Variants in CDH12 observed in about 807,000 individuals in gnomAD.
CDH12 encodes the protein cadherin-12.
Under a neutral mutation model 74.1 loss-of-function variants are expected in CDH12, and 41 were observed. The observed-to-expected ratio is 0.55, with a 90% CI of 0.43 to 0.72. The LOEUF is 0.72. Among genes scored for constraint, CDH12 ranks in the 30% least tolerant of loss-of-function variants. The pLI is 0.00. For synonymous variants in CDH12, 399 were observed against 355.0 expected (o/e 1.12, Z -1.39); for missense variants, 945 against 977.2 (o/e 0.97, Z 0.44).
At chr5:22,427,316 C>G (rs1743982750) in intron 2 of CDH12, among the ~76,000 whole-genome samples, 1 of 152,054 alleles carries the variant, frequency 6.6e-6, no homozygotes, top group South Asian at 2.1e-4. Flanking sequence ...TACAGGCACG[C>G]ACCACCACGC....
At chr5:22,489,690 C>CTTTT (rs753962922) in intron 2 of CDH12, among the ~76,000 whole-genome samples, 6 of 120,646 alleles carry the variant, frequency 5.0e-5, no homozygotes, top group South Asian at 2.7e-4. Flanking sequence ...TGCAGTGTAA[C>CTTTT]TTTTTTTTTT....
Position 22,187,176 on chromosome 5 carries a change from C to T in CDH12, c.-187+25322G>A, listed in dbSNP as rs551654992. On this transcript the variant is annotated intron_variant, in intron 4 of 14. Coordinates refer to ENST00000382254, the MANE Select transcript of CDH12 (RefSeq NM_004061.5). ...CACTCACACGAGCACATATGAGGTC[C>T]CCTAGGAGTAATAGACCAGTCTCTG... Among the ~76,000 whole-genome samples, 89 of 152,214 alleles carry T rather than the reference C, an allele frequency of 5.8e-4. 1 individual carries two copies. The highest frequency in any genetic ancestry group is 3.1e-3 in the Admixed American group (48 of 15,282).
At chr5:22,553,029 T>G (rs1411496418) in intron 1 of CDH12, among the ~76,000 whole-genome samples, 1 of 152,196 alleles carries the variant, frequency 6.6e-6, no homozygotes, top group Non-Finnish European at 1.5e-5. Context: ...TACTTGTTTG[T>G]TTCCAATAAA....
At chr5:22,481,932 G>T (rs1746399910) in intron 2 of CDH12, among the ~76,000 whole-genome samples, 1 of 152,104 alleles carries the variant, frequency 6.6e-6, no homozygotes, top group African/African-American at 2.4e-5. Flanking sequence ...TGAAGGATAA[G>T]TTATTTGTAA....
intron 1 of CDH12, among the ~76,000 whole-genome samples, chr5:22,635,965 T>G (rs1738820937): frequency 6.6e-6 from 1 of 151,562 alleles, no homozygotes; most frequent in Admixed American, 6.6e-5. Context: ...TAAAAAGAAA[T>G]ATTATACAGT....
chr5:22,102,223 T>C (rs1370530793), intron 4 of CDH12, among the ~76,000 whole-genome samples: 1 of 152,214 alleles, frequency 6.6e-6, no homozygotes, highest in Non-Finnish European at 1.5e-5. Flanking sequence ...ACTGAGATAA[T>C]AAGACATTAT....
At chr5:21,860,490 A>G (rs917163242) in intron 6 of CDH12, among the ~76,000 whole-genome samples, 1 of 151,958 alleles carries the variant, frequency 6.6e-6, no homozygotes, top group Non-Finnish European at 1.5e-5. Flanking sequence ...GAAGGATGCA[A>G]ATTATTTTTA....
intron 6 of CDH12, among the ~76,000 whole-genome samples, chr5:21,932,444 A>G (rs985231380): frequency 6.6e-6 from 1 of 152,246 alleles, no homozygotes; most frequent in South Asian, 2.1e-4. Flanking sequence ...ATTAATCACT[A>G]CATTCTTTTG....
intron 8 of CDH12, among the ~76,000 whole-genome samples, chr5:21,838,649 T>C (rs1182084995): frequency 6.6e-6 from 1 of 152,174 alleles, no homozygotes; most frequent in Non-Finnish European, 1.5e-5. Context: ...CCCTTAGACC[T>C]GTAGATTCAA....
At chr5:21,822,267 A>G (rs1748414016) in intron 8 of CDH12, among the ~76,000 whole-genome samples, 1 of 147,000 alleles carries the variant, frequency 6.8e-6, no homozygotes, top group African/African-American at 2.5e-5. Flanking sequence ...TGTATAGTCT[A>G]TATGTATTAT....
rs1386026784 is a variant in CDH12 at position 22,035,706 on chromosome 5, T to TCACA, written c.231+42736_231+42739dup. Among the ~76,000 whole-genome samples, 155 of 117,038 alleles carry TCACA rather than the reference T, an allele frequency of 1.3e-3. 1 individual carries two copies. Among genetic ancestry groups the TCACA allele is most frequent in the African/African-American group, 5.4e-3 (152 of 28,064 alleles). 76.8% of individuals were successfully genotyped at this position (117,038 alleles called of 152,430 possible). A position where few individuals can be genotyped will look rare whatever the true frequency, so the allele number is the denominator to read the frequency against. On this transcript the variant is annotated intron_variant, in intron 5 of 14. Transcript: ENST00000382254. ...GGTTTACTTCTTCTTTTTTTACACTTCACACATACACACACACACACACAC... is the reference window on the plus strand; with the variant it reads ...GGTTTACTTCTTCTTTTTTTACACTTCACACACACATACACACACACACACACAC...
intron 1 of CDH12, among the ~76,000 whole-genome samples, chr5:22,770,525 A>T (rs1746750597): frequency 1.3e-5 from 2 of 152,176 alleles, no homozygotes; most frequent in African/African-American, 4.8e-5. Context: ...CAGCCTGCTA[A>T]TGCTGACATA....
chr5:22,355,525 T>A (rs201667669), intron 3 of CDH12, among the ~76,000 whole-genome samples: 456 of 30,034 alleles, frequency 0.015, 6 homozygotes, highest in East Asian at 0.094. Context: ...AAAAAAAAAA[T>A]ATATATATAT....
At chr5:22,094,025 GACC>G (rs1743593750) in intron 4 of CDH12, among the ~76,000 whole-genome samples, 1 of 152,184 alleles carries the variant, frequency 6.6e-6, no homozygotes, top group South Asian at 2.1e-4. Context: ...GCTTCACCAT[GACC>G]ACCTGGGCAG....
At chr5:22,294,711 T>C (rs1737547781) in intron 3 of CDH12, among the ~76,000 whole-genome samples, 2 of 152,178 alleles carry the variant, frequency 1.3e-5, no homozygotes, top group African/African-American at 2.4e-5. Flanking sequence ...TTACTTTTTA[T>C]ATAGTGAACA....
intron 1 of CDH12, among the ~76,000 whole-genome samples, chr5:22,778,551 G>C (rs1747223714): frequency 6.6e-6 from 1 of 152,024 alleles, no homozygotes; most frequent in South Asian, 2.1e-4. Context: ...ATTAGAAGTG[G>C]ATTGAATTAT....
At chr5:22,275,170 A>G (rs1736575988) in intron 3 of CDH12, among the ~76,000 whole-genome samples, 1 of 152,064 alleles carries the variant, frequency 6.6e-6, no homozygotes, top group Admixed American at 6.6e-5. Flanking sequence ...ACAGACATCT[A>G]ATTCATGCAG....
chr5:22,852,806 C>T (rs573861851), intron 1 of CDH12, among the ~76,000 whole-genome samples: 1 of 152,282 alleles, frequency 6.6e-6, no homozygotes, highest in South Asian at 2.1e-4. Context: ...GAGGTTAAAA[C>T]ATTTCTTTCC....
intron 3 of CDH12, among the ~76,000 whole-genome samples, chr5:22,387,858 G>T (rs1006221927): frequency 2.6e-5 from 4 of 152,006 alleles, no homozygotes; most frequent in African/African-American, 9.7e-5. Context: ...TTCTTTTTAT[G>T]TTTTATAATA....
Sources: allele counts gnomAD v4.1 joint callset (sites outside exome capture counted in the v4.1 genomes callset), GRCh38; gene constraint gnomAD v4.1.1; transcripts MANE v1.5; gene names NCBI Gene and HGNC (gene_info 2026-07-23, HGNC 2026-07-21).